Variants in USB1 observed in about 807,000 individuals in gnomAD.
The protein encoded by USB1 is U6 snRNA biogenesis phosphodiesterase 1.
USB1 carries 21 observed loss-of-function variants against 29.9 expected under a neutral mutation model. The observed-to-expected ratio is 0.70, with a 90% CI of 0.50 to 1.01. The LOEUF (loss-of-function observed/expected upper bound fraction) is 1.01. Ranked by LOEUF, USB1 falls within the 50% of genes least tolerant of loss-of-function variation. The pLI, the probability that USB1 is intolerant of heterozygous loss-of-function variation, is 0.00. For synonymous variants in USB1, 143 were observed against 134.9 expected (o/e 1.06, Z -0.42); for missense variants, 330 against 347.1 (o/e 0.95, Z 0.39).
intron 5 of USB1, 36 bp from the exon 6 acceptor site, chr16:58,018,936 T>G (rs1204386340): frequency 3.4e-5 from 54 of 1,609,078 alleles, no homozygotes; most frequent in Non-Finnish European, 4.6e-5. Flanking sequence ...TGCCAAGGCG[T>G]CCGGGTGACT....
chr16:58,001,631 C>T, intron 1 of USB1, 50 bp downstream of exon 1: 1 of 1,552,534 alleles, frequency 6.4e-7, no homozygotes, highest in Non-Finnish European at 8.7e-7. Context: ...CACCCTAGAG[C>T]CAGACGGGAC....
rs182543992 is a variant in USB1, at chr16:58,004,249, G to T, written c.265+1604G>T. Among the ~76,000 whole-genome samples, 43 of 152,206 alleles carry T rather than the reference G, an allele frequency of 2.8e-4. No individual in the cohort carries two copies. In the East Asian group the frequency reaches 8.3e-3, roughly 29 times the overall value. ...GCTTTTGCTCCTTTGCCAAAGATCG[G>T]TTGACTGTATTGATGTGGGTCTATT... On this transcript the variant is annotated intron_variant, in intron 2 of 6. Coordinates refer to ENST00000219281, the MANE Select transcript of USB1 (RefSeq NM_024598.4).
chr16:58,014,445 T>C, intron 4 of USB1, 119 bp downstream of exon 4: 1 of 857,300 alleles, frequency 1.2e-6, no homozygotes, highest in Non-Finnish European at 1.9e-6. Flanking sequence ...ACTCTATGAC[T>C]ATAAAGGCAG....
chr16:58,010,776 G>A (rs981686148), intron 3 of USB1: 11 of 543,174 alleles, frequency 2.0e-5, no homozygotes, highest in African/African-American at 7.6e-5. Context: ...GAAGGGTCCC[G>A]AGCATGGGAG....
chr16:58,009,495 G>A (rs1315324545), intron 2 of USB1, among the ~76,000 whole-genome samples: 1 of 152,036 alleles, frequency 6.6e-6, no homozygotes, highest in Non-Finnish European at 1.5e-5. Flanking sequence ...CGAGGCGGGC[G>A]GATCACGAGG....
intron 2 of USB1, among the ~76,000 whole-genome samples, chr16:58,006,557 G>C (rs1963365168): frequency 2.0e-5 from 3 of 152,138 alleles, no homozygotes; most frequent in Admixed American, 2.0e-4. Flanking sequence ...TACTTAGAAG[G>C]CTGAGGCAGG....
intron 4 of USB1, chr16:58,015,439 G>C (rs1311019843): frequency 2.0e-5 from 3 of 152,116 alleles, no homozygotes; most frequent in Non-Finnish European, 2.9e-5. Flanking sequence ...TGCACTCACT[G>C]GGCCACCTTC....
chr16:58,010,740 TG>T (rs1335802998), intron 3 of USB1: 1 of 455,024 alleles, frequency 2.2e-6, no homozygotes, highest in Non-Finnish European at 4.0e-6. Context: ...AACAGCCAGA[TG>T]AAGAGATAGG....
intron 4 of USB1, chr16:58,016,084 T>A (rs951741012): frequency 1.3e-5 from 2 of 152,902 alleles, no homozygotes; most frequent in African/African-American, 4.8e-5. Flanking sequence ...CAAGAGTGGA[T>A]GCAGGGAAAC....
intron 3 of USB1, chr16:58,011,825 TC>T: frequency 1.0e-6 from 1 of 988,540 alleles, no homozygotes; most frequent in Middle Eastern, 5.2e-4. Flanking sequence ...ACAGCTTTTT[TC>T]CAAGTGCTCT....
chr16:58,017,551 T>TCGGTG, intron 5 of USB1, 112 bp downstream of exon 5: 1 of 977,680 alleles, frequency 1.0e-6, no homozygotes, highest in Non-Finnish European at 1.6e-6. Flanking sequence ...ACCTCCCGTG[T>TCGGTG]CGGTGCTCTG....
chr16:58,002,714 C>G (rs1963257646), intron 2 of USB1, 69 bp downstream of exon 2: 1 of 1,601,550 alleles, frequency 6.2e-7, no homozygotes, highest in Admixed American at 1.7e-5. Flanking sequence ...AGGGCAGAAT[C>G]TGGCCCCAAC....
chr16:58,003,723 ATTAATCATTTTTGTTTATTAATAAATT>A (rs1316913900), intron 2 of USB1, among the ~76,000 whole-genome samples: 2 of 152,154 alleles, frequency 1.3e-5, no homozygotes, highest in Non-Finnish European at 2.9e-5. Context: ...GTTTATTAAT[ATTAATCATTTTTGTTTATTAATAAATT>A]TTAATCATTT....
rs774051099 is a variant in USB1, at chr16:58,020,285, A to G, written c.*40A>G. 1 of 1,593,476 alleles carries G rather than the reference A, an allele frequency of 6.3e-7. No homozygotes were observed. The highest frequency in any genetic ancestry group is 1.3e-5 in the African/African-American group (1 of 74,484). ...CCTCCTCCAGGGCCCTCTGCAGACC[A>G]GGCTGAGATGGAGGAACCTGCTAAA... is the stretch of plus-strand genomic sequence containing the variant. On this transcript the variant is annotated 3_prime_UTR_variant, in exon 7 of 7. Coordinates refer to ENST00000219281, the MANE Select transcript of USB1 (RefSeq NM_024598.4).
chr16:58,012,216 A>G lies in USB1; in HGVS notation c.450-2057A>G, dbSNP rs1051641556. The G allele has an allele frequency of 3.3e-6, 5 of 1,512,896 alleles. No individual in the cohort carries two copies. The African/African-American group carries it at 5.5e-5, about 17-fold the overall frequency. 93.7% of individuals were successfully genotyped at this position (1,512,896 alleles called of 1,614,324 possible). On this transcript the variant is annotated intron_variant, in intron 3 of 6. Transcript: ENST00000219281. Reference sequence around the variant, plus strand: ...CCCAATCCAGACACTCGGCCAGGGAATAAGGGCTGAAACTCATCTCTCAAC... The same window carrying G: ...CCCAATCCAGACACTCGGCCAGGGAGTAAGGGCTGAAACTCATCTCTCAAC...
chr16:58,019,111 G>A, intron 6 of USB1, 56 bp downstream of exon 6: 1 of 1,573,244 alleles, frequency 6.4e-7, no homozygotes, highest in Non-Finnish European at 8.7e-7. Context: ...TGACAGGACA[G>A]ATGCTGGAGA....
At chr16:58,010,208 G>C in intron 3 of USB1, 96 bp downstream of exon 3, 1 of 1,478,440 alleles carries the variant, frequency 6.8e-7, no homozygotes, top group Admixed American at 1.8e-5. Flanking sequence ...CAGGCAGGCA[G>C]ACCTAAAGAT....
rs549920112 is a variant in USB1, at chr16:58,020,484, CCT to C, written c.*244_*245del. 2.8e-5 allele frequency: 16 copies of C among 561,550 alleles called. No individual in the cohort carries two copies. The highest frequency in any genetic ancestry group is 3.8e-5 in the Non-Finnish European group (12 of 313,232). The allele number at this position is 561,550 out of a possible 1,614,324, so 34.8% of individuals were successfully genotyped here. On this transcript the variant is annotated 3_prime_UTR_variant, in exon 7 of 7. Transcript: ENST00000219281. Reference sequence around the variant, plus strand: ...TTCTCTCCTCTGTCTCTCTTCCTCTCCTCTCTTCCTCTCTTCTCTCTTCCTCT... The same window carrying C: ...TTCTCTCCTCTGTCTCTCTTCCTCTCCTCTTCCTCTCTTCTCTCTTCCTCT...
rs369632353 is a variant in USB1 at position 58,009,902 on chromosome 16, C to T, written c.266-27C>T. On this transcript the variant is annotated intron_variant, in intron 2 of 6. Coordinates refer to ENST00000219281, the MANE Select transcript of USB1 (RefSeq NM_024598.4). ...CATGGCACCTTGGCTGAGAGAACGG[C>T]CCGCCCTCTTTACTCCTCCCCTCCA... 2.1e-4 allele frequency: 337 copies of T among 1,613,772 alleles called. 1 individual carries two copies. The highest frequency in any genetic ancestry group is 2.2e-4 in the Non-Finnish European group (257 of 1,179,914).
Sources: allele counts gnomAD v4.1 joint callset (sites outside exome capture counted in the v4.1 genomes callset), GRCh38; gene constraint gnomAD v4.1.1; transcripts MANE v1.5; gene names NCBI Gene and HGNC (gene_info 2026-07-23, HGNC 2026-07-21).